EPHA5: variants seen among roughly 807,000 people sequenced by gnomAD.
EPHA5 encodes EPH receptor A5.
A neutral mutation model predicts 105.0 loss-of-function variants in EPHA5; 60 were observed. The observed-to-expected ratio is 0.57, with a 90% confidence interval of 0.46 to 0.71. EPHA5 has a LOEUF of 0.71. EPHA5 is among the 30% of genes least tolerant of loss of function. EPHA5 has a pLI of 0.00. For synonymous variants in EPHA5, 513 were observed against 449.1 expected (o/e 1.14, Z -1.80); for missense variants, 1,218 against 1,274.7 (o/e 0.96, Z 0.68).
chr4:65,440,428 A>G (rs1725897037), intron 5 of EPHA5, among the ~76,000 whole-genome samples: 1 of 151,962 alleles, frequency 6.6e-6, no homozygotes, highest in Non-Finnish European at 1.5e-5. Flanking sequence ...TAATAATCAT[A>G]CAGAAATAGT....
intron 1 of EPHA5, among the ~76,000 whole-genome samples, chr4:65,650,715 C>T (rs974902159): frequency 1.3e-5 from 2 of 152,036 alleles, no homozygotes; most frequent in Non-Finnish European, 2.9e-5. Flanking sequence ...TGTTTCATTC[C>T]ACAGTATAAC....
At chr4:65,551,638 A>G (rs1737932722) in intron 3 of EPHA5, among the ~76,000 whole-genome samples, 1 of 152,138 alleles carries the variant, frequency 6.6e-6, no homozygotes. Flanking sequence ...GTTGTGGCAT[A>G]GTTCCTAAAA....
At chr4:65,628,245 AT>A (rs1413090424) in intron 2 of EPHA5, among the ~76,000 whole-genome samples, 1 of 152,116 alleles carries the variant, frequency 6.6e-6, no homozygotes, top group Admixed American at 6.6e-5. Flanking sequence ...GGGAGTCTTC[AT>A]TTTAACATTT....
intron 2 of EPHA5, among the ~76,000 whole-genome samples, chr4:65,623,265 G>A (rs1318918640): frequency 6.6e-6 from 1 of 151,756 alleles, no homozygotes; most frequent in African/African-American, 2.4e-5. Flanking sequence ...ATTATAATTG[G>A]GGATGTCTGA....
chr4:65,423,649 C>T (rs11731779), intron 5 of EPHA5, among the ~76,000 whole-genome samples: 2,425 of 150,684 alleles, frequency 0.016, 26 homozygotes, highest in Non-Finnish European at 0.026. Context: ...TGATATACCC[C>T]CATCATTATG....
chr4:65,338,189 A>C (rs1721365637), intron 14 of EPHA5, among the ~76,000 whole-genome samples: 1 of 152,108 alleles, frequency 6.6e-6, no homozygotes, highest in African/African-American at 2.4e-5. Flanking sequence ...ATAAAGAAAT[A>C]TTTTTAAAAA....
At chr4:65,333,907 A>C (rs1383204824) in intron 15 of EPHA5, among the ~76,000 whole-genome samples, 3 of 151,652 alleles carry the variant, frequency 2.0e-5, no homozygotes, top group Non-Finnish European at 4.4e-5. Context: ...AGTATGATGC[A>C]ACAGTCCACC....
intron 2 of EPHA5, among the ~76,000 whole-genome samples, chr4:65,616,648 A>G (rs1029666440): frequency 6.6e-6 from 1 of 152,046 alleles, no homozygotes; most frequent in African/African-American, 2.4e-5. Context: ...AGAGTATGGG[A>G]AAACAGTCAT....
At chr4:65,655,963 T>C (rs1749016848) in intron 1 of EPHA5, among the ~76,000 whole-genome samples, 1 of 151,990 alleles carries the variant, frequency 6.6e-6, no homozygotes, top group African/African-American at 2.4e-5. Context: ...GTTTTTAAAC[T>C]GAGCTCAGAA....
At chr4:65,489,994 C>T (rs925331745) in intron 5 of EPHA5, among the ~76,000 whole-genome samples, 1 of 151,994 alleles carries the variant, frequency 6.6e-6, no homozygotes, top group Non-Finnish European at 1.5e-5. Context: ...TAAAACCTGC[C>T]TAATCACATG....
At chr4:65,397,471 G>A (rs1391910000) in intron 8 of EPHA5, among the ~76,000 whole-genome samples, 1 of 151,816 alleles carries the variant, frequency 6.6e-6, no homozygotes, top group Non-Finnish European at 1.5e-5. Context: ...AACTCCCAAG[G>A]GATTATCTAC....
intron 3 of EPHA5, among the ~76,000 whole-genome samples, chr4:65,577,857 T>A (rs1178583392): frequency 6.6e-6 from 1 of 152,138 alleles, no homozygotes; most frequent in African/African-American, 2.4e-5. Context: ...ACAAATCCTG[T>A]CACATTTCTC....
intron 7 of EPHA5, among the ~76,000 whole-genome samples, chr4:65,407,791 C>T (rs1007182666): frequency 5.3e-5 from 8 of 151,626 alleles, no homozygotes; most frequent in Non-Finnish European, 1.2e-4. Flanking sequence ...GGTCTCACTT[C>T]GTCACCCAGG....
chr4:65,387,507 G>T lies in EPHA5; in HGVS notation c.1793+16867C>A, dbSNP rs1043296111. ...TTTAAAAGTAGCTTTTTCCCTATTGGGGCTGAAAAGCAACAGTATACACTA... is the reference window on the plus strand; with the variant it reads ...TTTAAAAGTAGCTTTTTCCCTATTGTGGCTGAAAAGCAACAGTATACACTA... On this transcript the variant is annotated intron_variant, in intron 8 of 16. Transcript: ENST00000613740. Among the ~76,000 whole-genome samples, 3 of 151,852 alleles carry T rather than the reference G, an allele frequency of 2.0e-5. No homozygotes were observed. The East Asian group carries it at 5.8e-4, about 30-fold the overall frequency.
intron 5 of EPHA5, among the ~76,000 whole-genome samples, chr4:65,432,928 A>T (rs184217741): frequency 6.6e-6 from 1 of 152,014 alleles, no homozygotes; most frequent in East Asian, 1.9e-4. Flanking sequence ...GCTCATAAGT[A>T]GTGGATTAGG....
Position 65,402,851 on chromosome 4 carries a change from A to C in EPHA5, c.1793+1523T>G, listed in dbSNP as rs925692286. Among the ~76,000 whole-genome samples the C allele has an allele frequency of 8.5e-5, 13 of 152,184 alleles. No homozygotes were observed. In the South Asian group the frequency reaches 2.1e-3, roughly 24 times the overall value. ...TCTTGCAACTTGATTATACTATTGGATCAAAATCTGACAAGACCGATGAAA... is the reference window on the plus strand; with the variant it reads ...TCTTGCAACTTGATTATACTATTGGCTCAAAATCTGACAAGACCGATGAAA... On this transcript the variant is annotated intron_variant, in intron 8 of 16. Transcript: ENST00000613740.
At chr4:65,385,289 T>C (rs1560478880) in intron 8 of EPHA5, among the ~76,000 whole-genome samples, 1 of 151,872 alleles carries the variant, frequency 6.6e-6, no homozygotes, top group Non-Finnish European at 1.5e-5. Flanking sequence ...ATTATGTCTG[T>C]CTAGTATTTT....
chr4:65,603,567 A>C (rs1483495699), intron 2 of EPHA5, among the ~76,000 whole-genome samples: 1 of 152,168 alleles, frequency 6.6e-6, no homozygotes, highest in Non-Finnish European at 1.5e-5. Flanking sequence ...AGATGTGAAA[A>C]ATGCAAGGCA....
At chr4:65,488,973 C>T (rs1194857213) in intron 5 of EPHA5, among the ~76,000 whole-genome samples, 1 of 149,632 alleles carries the variant, frequency 6.7e-6, no homozygotes, top group African/African-American at 2.5e-5. Context: ...GCAAGCTCCT[C>T]CTCCTGGGTT....
Sources: allele counts gnomAD v4.1 joint callset (sites outside exome capture counted in the v4.1 genomes callset), GRCh38; gene constraint gnomAD v4.1.1; transcripts MANE v1.5; gene names NCBI Gene and HGNC (gene_info 2026-07-23, HGNC 2026-07-21).